RERE: variants seen among roughly 807,000 people sequenced by gnomAD.
RERE encodes arginine-glutamic acid dipeptide repeats protein.
A neutral mutation model predicts 146.1 loss-of-function variants in RERE; 40 were observed. That is an observed-to-expected ratio of 0.27 (90% CI 0.21 to 0.36). The LOEUF is 0.36. RERE is among the 10% of genes least tolerant of loss of function. RERE has a pLI of 1.00. For synonymous variants in RERE, 1,003 were observed against 866.0 expected, an observed-to-expected ratio of 1.16 and a Z score of -2.78; for missense variants, 1,933 against 2,138.7, an observed-to-expected ratio of 0.90 and a Z score of 1.90.
At position 8,502,342 on chromosome 1, in the gene RERE, G is replaced by A. The variant is rs1234191975; in HGVS notation, c.880-4813C>T. 1.8e-3 allele frequency among the ~76,000 whole-genome samples: 209 copies of A among 118,708 alleles called. 1 individual carries two copies. The highest frequency in any genetic ancestry group is 6.6e-3 in the African/African-American group (194 of 29,182). The allele number at this position is 118,708 out of a possible 152,430, so 77.9% of individuals were successfully genotyped here. ...GCCCCGTCCGGGAGGGTGGTGGGGGGGTCAGCCCCCCGCCCGGCCAGCCGC... is the reference window on the plus strand; with the variant it reads ...GCCCCGTCCGGGAGGGTGGTGGGGGAGTCAGCCCCCCGCCCGGCCAGCCGC... On this transcript the variant is annotated intron_variant, in intron 8 of 22. Transcript: ENST00000400908.
chr1:8,804,765 A>G (rs967732590), intron 1 of RERE, among the ~76,000 whole-genome samples: 1 of 151,944 alleles, frequency 6.6e-6, no homozygotes, highest in African/African-American at 2.4e-5. Flanking sequence ...AAAAGGAAAG[A>G]GTTACATGTT....
At chr1:8,770,910 A>G (rs1259512125) in intron 1 of RERE, among the ~76,000 whole-genome samples, 1 of 152,224 alleles carries the variant, frequency 6.6e-6, no homozygotes, top group Non-Finnish European at 1.5e-5. Flanking sequence ...AGGCCAAATT[A>G]TAACACTAAC....
chr1:8,726,269 A>C (rs372628031), intron 1 of RERE, among the ~76,000 whole-genome samples: 3 of 146,686 alleles, frequency 2.0e-5, no homozygotes, highest in African/African-American at 7.6e-5. Context: ...GTTCTGCCTC[A>C]GCCTCCTGAG....
intron 1 of RERE, among the ~76,000 whole-genome samples, chr1:8,681,338 T>A (rs1378284305): frequency 6.6e-6 from 1 of 152,184 alleles, no homozygotes; most frequent in Non-Finnish European, 1.5e-5. Flanking sequence ...GTCTTTCTCT[T>A]AATATTTTTG....
chr1:8,714,586 C>A (rs1264691926), intron 1 of RERE, among the ~76,000 whole-genome samples: 1 of 152,074 alleles, frequency 6.6e-6, no homozygotes, highest in East Asian at 1.9e-4. Flanking sequence ...CAGAGGGAAC[C>A]CCAACCAAGA....
At chr1:8,756,147 A>G (rs985614484) in intron 1 of RERE, among the ~76,000 whole-genome samples, 1 of 152,194 alleles carries the variant, frequency 6.6e-6, no homozygotes, top group Admixed American at 6.5e-5. Flanking sequence ...ATTTTTAAAA[A>G]TTTAAAAATA....
At chr1:8,462,721 A>G (rs1316365977) in intron 11 of RERE, among the ~76,000 whole-genome samples, 1 of 152,192 alleles carries the variant, frequency 6.6e-6, no homozygotes, top group African/African-American at 2.4e-5. Context: ...TAGTTAGAAC[A>G]AATTAATATG....
chr1:8,764,688 T>C (rs1462122354), intron 1 of RERE, among the ~76,000 whole-genome samples: 2 of 152,120 alleles, frequency 1.3e-5, no homozygotes, highest in South Asian at 2.1e-4. Context: ...GGGACGTAAT[T>C]CACCCAGATT....
chr1:8,650,588 C>A (rs1315524524), intron 2 of RERE, among the ~76,000 whole-genome samples: 1 of 152,032 alleles, frequency 6.6e-6, no homozygotes, highest in Non-Finnish European at 1.5e-5. Context: ...TGTGGTAAAA[C>A]CCTGTCTCTA....
intron 6 of RERE, among the ~76,000 whole-genome samples, chr1:8,543,311 T>C (rs939971923): frequency 2.6e-5 from 4 of 152,194 alleles, no homozygotes; most frequent in African/African-American, 9.7e-5. Flanking sequence ...CACTCATCCA[T>C]ACAAGGTGAT....
intron 4 of RERE, among the ~76,000 whole-genome samples, chr1:8,609,883 C>T (rs76217715): frequency 0.059 from 9,049 of 152,188 alleles, 410 homozygotes; most frequent in Non-Finnish European, 0.088. Context: ...AGCCTCCCAC[C>T]TCAGCCTCCT....
intron 12 of RERE, among the ~76,000 whole-genome samples, chr1:8,399,921 T>A (rs1427910656): frequency 6.6e-6 from 1 of 151,334 alleles, no homozygotes; most frequent in Non-Finnish European, 1.5e-5. Flanking sequence ...AGAGACAGAG[T>A]CTCACTATGT....
At chr1:8,744,365 C>T (rs913090256) in intron 1 of RERE, among the ~76,000 whole-genome samples, 1 of 152,202 alleles carries the variant, frequency 6.6e-6, no homozygotes, top group African/African-American at 2.4e-5. Context: ...CCACTTATAA[C>T]ATTATGAGGG....
rs1306272176 is a variant in RERE, at chr1:8,365,887, C to T, written c.1372G>A (p.Val458Met). The change falls in exon 13 of 23, where the codon GTG (valine) becomes ATG (methionine). Residue 458 changes from valine (V) to methionine (M), a missense_variant. Around this residue, in one of 11 missense-constraint regions of RERE, gnomAD observed 260 missense variants for 378.4 expected, o/e 0.69. Transcript: ENST00000400908. ...RAHRRHRRQA[V>M]FRRIKTRTAS... The stretch of plus-strand genomic sequence containing the variant: ...GTGCGAGTCTTAATCCTCCTGAACA[C>T]GGCCTGCCTGCGGTGCCTACGATGG... The T allele has an allele frequency of 5.6e-6, 9 of 1,614,228 alleles. No individual in the cohort carries two copies. The highest frequency in any genetic ancestry group is 2.2e-5 in the South Asian group (2 of 91,078).
intron 12 of RERE, among the ~76,000 whole-genome samples, chr1:8,401,810 G>C (rs1007428350): frequency 2.0e-5 from 3 of 151,748 alleles, no homozygotes; most frequent in African/African-American, 7.3e-5. Flanking sequence ...ATTGGACTTA[G>C]TGACTGCTTT....
At chr1:8,642,138 A>G (rs916989062) in intron 2 of RERE, among the ~76,000 whole-genome samples, 3 of 151,508 alleles carry the variant, frequency 2.0e-5, no homozygotes, top group African/African-American at 7.4e-5. Context: ...TGTAACCCCA[A>G]TCTAAAACCC....
intron 7 of RERE, among the ~76,000 whole-genome samples, chr1:8,512,072 G>A (rs1482061937): frequency 8.8e-6 from 1 of 113,096 alleles, no homozygotes; most frequent in Non-Finnish European, 1.7e-5. Context: ...TGTCGCCCAG[G>A]CCGGACTGCA....
intron 1 of RERE, among the ~76,000 whole-genome samples, chr1:8,762,560 C>G (rs891997011): frequency 6.6e-6 from 1 of 151,904 alleles, no homozygotes; most frequent in Admixed American, 6.6e-5. Context: ...TATTTGAAGA[C>G]AAAAAAAGTA....
At chr1:8,800,107 C>T (rs1022512029) in intron 1 of RERE, among the ~76,000 whole-genome samples, 9 of 152,064 alleles carry the variant, frequency 5.9e-5, no homozygotes, top group Admixed American at 2.0e-4. Flanking sequence ...AGCCACCGCA[C>T]CTGGCCAGTG....
Sources: gnomAD v4.1 joint callset for allele counts (sites outside exome capture counted in the v4.1 genomes callset) on GRCh38, gnomAD v4.1.1 for gene constraint, gnomAD v4.1.1 regional missense constraint, MANE v1.5 for transcripts, NCBI Gene and HGNC (gene_info 2026-07-23, HGNC 2026-07-21) for gene names.